The following FOXO1 variants were observed in gnomAD, a reference collection of about 807,000 sequenced individuals.
The protein encoded by FOXO1 is forkhead box protein O1.
Under a neutral mutation model 44.1 loss-of-function variants are expected in FOXO1, and 6 were observed. The observed-to-expected ratio is 0.14, with a 90% CI of 0.07 to 0.27. The LOEUF (loss-of-function observed/expected upper bound fraction) is 0.27. FOXO1 is among the 10% of genes least tolerant of loss of function. The probability of loss-of-function intolerance (pLI) is 1.00; values close to 1 mark genes in which losing one functional copy is unlikely to be tolerated. For missense variants in FOXO1, 737 were observed against 888.8 expected, an observed-to-expected ratio of 0.83 and a Z score of 2.17; for synonymous variants, 380 against 362.7, an observed-to-expected ratio of 1.05 and a Z score of -0.54.
chr13:40,567,282 G>A (rs984615461), intron 1 of FOXO1, among the ~76,000 whole-genome samples: 1 of 151,960 alleles, frequency 6.6e-6, no homozygotes, highest in Non-Finnish European at 1.5e-5. Flanking sequence ...GAAACCCTTA[G>A]ATGGCCTTCA....
intron 1 of FOXO1, among the ~76,000 whole-genome samples, chr13:40,580,981 G>A (rs1874935004): frequency 6.6e-6 from 1 of 152,202 alleles, no homozygotes; most frequent in African/African-American, 2.4e-5. Flanking sequence ...AGCTAGATGT[G>A]GGCCTTCTTG....
chr13:40,664,455 C>T (rs1237221660), intron 1 of FOXO1, among the ~76,000 whole-genome samples: 1 of 151,990 alleles, frequency 6.6e-6, no homozygotes, highest in African/African-American at 2.4e-5. Flanking sequence ...CCTGCCCCCA[C>T]GCTAAGTCTC....
At chr13:40,561,887 C>T (rs1388082267) in intron 1 of FOXO1, among the ~76,000 whole-genome samples, 1 of 145,542 alleles carries the variant, frequency 6.9e-6, no homozygotes, top group African/African-American at 2.6e-5. Flanking sequence ...GAGAAGGAGA[C>T]TGCGGTGAGC....
chr13:40,660,486 A>G (rs1228100450), intron 1 of FOXO1, among the ~76,000 whole-genome samples: 1 of 152,228 alleles, frequency 6.6e-6, no homozygotes, highest in Non-Finnish European at 1.5e-5. Flanking sequence ...GCTATCTTAG[A>G]AAGCCTAACA....
chr13:40,584,642 C>T (rs887211393), intron 1 of FOXO1, among the ~76,000 whole-genome samples: 10 of 152,244 alleles, frequency 6.6e-5, no homozygotes, highest in African/African-American at 2.4e-4. Context: ...AAGTGAGACC[C>T]CATCTCAAAC....
At chr13:40,601,943 G>A (rs1875828003) in intron 1 of FOXO1, among the ~76,000 whole-genome samples, 1 of 152,102 alleles carries the variant, frequency 6.6e-6, no homozygotes, top group African/African-American at 2.4e-5. Context: ...TCTCTAGAGA[G>A]GTACTATGTT....
chr13:40,567,749 C>T (rs2701860), intron 1 of FOXO1, among the ~76,000 whole-genome samples: 2 of 151,920 alleles, frequency 1.3e-5, no homozygotes, highest in Admixed American at 6.6e-5. Flanking sequence ...GAGGGCAGAT[C>T]ACAAGATCAG....
intron 1 of FOXO1, chr13:40,611,126 G>GT (rs1566075048): frequency 6.9e-6 from 3 of 436,848 alleles, no homozygotes; most frequent in Admixed American, 5.2e-5. Flanking sequence ...AAAACTCATC[G>GT]TGACTGAGGA....
intron 1 of FOXO1, among the ~76,000 whole-genome samples, chr13:40,657,224 A>C (rs541636969): frequency 1.3e-5 from 2 of 152,350 alleles, no homozygotes; most frequent in African/African-American, 4.8e-5. Flanking sequence ...AAATGTCATT[A>C]GTAGAAAAGG....
intron 1 of FOXO1, among the ~76,000 whole-genome samples, chr13:40,621,815 A>G (rs1876626378): frequency 6.6e-6 from 1 of 152,214 alleles, no homozygotes; most frequent in South Asian, 2.1e-4. Context: ...AATGTGTGCT[A>G]TACATGTTAT....
chr13:40,603,751 T>G (rs1875895419), intron 1 of FOXO1, among the ~76,000 whole-genome samples: 1 of 152,224 alleles, frequency 6.6e-6, no homozygotes, highest in Admixed American at 6.5e-5. Context: ...TATCAGCAGC[T>G]TAAGTCTTTC....
At chr13:40,593,861 T>A (rs547659863) in intron 1 of FOXO1, among the ~76,000 whole-genome samples, 3 of 152,292 alleles carry the variant, frequency 2.0e-5, no homozygotes, top group African/African-American at 7.2e-5. Context: ...CTGAGATAAT[T>A]TGCATTTAGT....
At chr13:40,640,883 A>C (rs950485604) in intron 1 of FOXO1, among the ~76,000 whole-genome samples, 9 of 152,076 alleles carry the variant, frequency 5.9e-5, no homozygotes, top group African/African-American at 1.9e-4. Flanking sequence ...TCCTGGGTTC[A>C]AGCCATTCTC....
chr13:40,595,913 G>A (rs540766163), intron 1 of FOXO1, among the ~76,000 whole-genome samples: 5 of 150,204 alleles, frequency 3.3e-5, no homozygotes, highest in East Asian at 3.9e-4. Flanking sequence ...CTGGTTAGTC[G>A]TAGGCCCTGT....
At chr13:40,633,200 T>C (rs544825231) in intron 1 of FOXO1, among the ~76,000 whole-genome samples, 1 of 152,328 alleles carries the variant, frequency 6.6e-6, no homozygotes, top group South Asian at 2.1e-4. Flanking sequence ...GTTTGACAGT[T>C]CCTCAAAAGG....
At chr13:40,648,337 A>C (rs1358819339) in intron 1 of FOXO1, among the ~76,000 whole-genome samples, 1 of 152,210 alleles carries the variant, frequency 6.6e-6, no homozygotes, top group Non-Finnish European at 1.5e-5. Context: ...CTGTACTGAT[A>C]ATACTAGTAA....
chr13:40,661,460 C>T (rs938418501), intron 1 of FOXO1, among the ~76,000 whole-genome samples: 1 of 152,072 alleles, frequency 6.6e-6, no homozygotes, highest in Non-Finnish European at 1.5e-5. Context: ...CCACACCCGG[C>T]TAATTTTTTG....
At chr13:40,642,517 G>A (rs1040899503) in intron 1 of FOXO1, among the ~76,000 whole-genome samples, 3 of 152,150 alleles carry the variant, frequency 2.0e-5, no homozygotes, top group Admixed American at 2.0e-4. Context: ...TATAAGCTTG[G>A]CAAACTTACC....
intron 1 of FOXO1, among the ~76,000 whole-genome samples, chr13:40,586,078 T>TC (rs1161312985): frequency 1.3e-5 from 2 of 152,188 alleles, no homozygotes; most frequent in Non-Finnish European, 2.9e-5. Context: ...CACAAAGGTC[T>TC]TGAAAGAATG....
Sources: gnomAD v4.1 joint callset for allele counts (sites outside exome capture counted in the v4.1 genomes callset) on GRCh38, gnomAD v4.1.1 for gene constraint, MANE v1.5 for transcripts, NCBI Gene and HGNC (gene_info 2026-07-23, HGNC 2026-07-21) for gene names.